Variants in LDLRAD4 observed in about 807,000 individuals in gnomAD.
LDLRAD4 encodes the protein low-density lipoprotein receptor class A domain-containing protein 4.
LDLRAD4 carries 5 observed loss-of-function variants against 17.0 expected under a neutral mutation model. That is an observed-to-expected ratio of 0.29 (90% CI 0.15 to 0.62). LDLRAD4 has a LOEUF of 0.62. LDLRAD4 is among the 20% of genes least tolerant of loss of function. The probability of loss-of-function intolerance (pLI) is 0.84; values close to 1 mark genes in which losing one functional copy is unlikely to be tolerated. For missense variants in LDLRAD4, 340 were observed against 424.7 expected (o/e 0.80, Z 1.75); for synonymous variants, 168 against 171.8 (o/e 0.98, Z 0.17).
At chr18:13,236,834 G>A (rs1028471966) in intron 1 of LDLRAD4, among the ~76,000 whole-genome samples, 5 of 152,102 alleles carry the variant, frequency 3.3e-5, no homozygotes, top group Non-Finnish European at 5.9e-5. Flanking sequence ...CTGAGGTTAC[G>A]TTTTAATTCC....
intron 3 of LDLRAD4, among the ~76,000 whole-genome samples, chr18:13,548,671 G>C (rs1490096686): frequency 6.6e-6 from 1 of 152,226 alleles, no homozygotes; most frequent in Non-Finnish European, 1.5e-5. Flanking sequence ...GAGTCCAGGG[G>C]TGCAGGGATG....
chr18:13,551,256 C>G (rs1421622526), intron 3 of LDLRAD4, among the ~76,000 whole-genome samples: 1 of 152,196 alleles, frequency 6.6e-6, no homozygotes, highest in Non-Finnish European at 1.5e-5. Flanking sequence ...GCGAGGGTCC[C>G]CCACAACCCT....
At chr18:13,451,171 AGTCT>A (rs1197049359) in intron 3 of LDLRAD4, among the ~76,000 whole-genome samples, 1 of 152,204 alleles carries the variant, frequency 6.6e-6, no homozygotes, top group Non-Finnish European at 1.5e-5. Context: ...GTATGTTTCT[AGTCT>A]GTCTGGGCTA....
intron 3 of LDLRAD4, among the ~76,000 whole-genome samples, chr18:13,603,380 TC>T (rs2095186161): frequency 6.6e-6 from 1 of 152,204 alleles, no homozygotes; most frequent in Admixed American, 6.5e-5. Context: ...TCAGGAGCCT[TC>T]TGAAGGGTGG....
At chr18:13,443,927 G>A (rs1258331996) in intron 3 of LDLRAD4, among the ~76,000 whole-genome samples, 5 of 152,146 alleles carry the variant, frequency 3.3e-5, no homozygotes, top group African/African-American at 7.2e-5. Context: ...CTACCGCCTC[G>A]GTACAGCTCT....
chr18:13,645,713 T>TG lies in LDLRAD4; in HGVS notation c.*59dup, dbSNP rs1341541195. ...AGAAACCAAGAAGGGAAGCGGCCGC[T>TG]GGGCCCCTCCTGCGCACAGTGTTGT... On this transcript the variant is annotated 3_prime_UTR_variant, in exon 6 of 6. Transcript: ENST00000359446. This position sits in a 1 kb window ranked among gnomAD's most constrained non-coding sequence, Gnocchi z 5.7. 1.2e-4 allele frequency: 166 copies of TG among 1,381,694 alleles called. No individual in the cohort carries two copies. Among genetic ancestry groups the TG allele is most frequent in the Middle Eastern group, 5.7e-4 (3 of 5,290 alleles). The allele number at this position is 1,381,694 out of a possible 1,614,324, so 85.6% of individuals were successfully genotyped here.
chr18:13,637,972 AC>A (rs869091193), intron 4 of LDLRAD4, among the ~76,000 whole-genome samples: 2 of 86,052 alleles, frequency 2.3e-5, no homozygotes, highest in Non-Finnish European at 4.8e-5. Flanking sequence ...GAGAAGAGCT[AC>A]CTGTTTGCTG....
chr18:13,535,703 C>A (rs886904815), intron 3 of LDLRAD4, among the ~76,000 whole-genome samples: 2 of 152,028 alleles, frequency 1.3e-5, no homozygotes, highest in Non-Finnish European at 2.9e-5. Context: ...TTGTGGATTT[C>A]ATGTCCTGTT....
chr18:13,270,289 C>T (rs2044456751), intron 1 of LDLRAD4, among the ~76,000 whole-genome samples: 1 of 151,828 alleles, frequency 6.6e-6, no homozygotes, highest in Non-Finnish European at 1.5e-5. Flanking sequence ...CACTTGCACC[C>T]AGGAAGCAGA....
At chr18:13,601,522 C>T (rs148129872) in intron 3 of LDLRAD4, among the ~76,000 whole-genome samples, 15 of 152,044 alleles carry the variant, frequency 9.9e-5, no homozygotes, top group Admixed American at 2.0e-4. Context: ...GGCATGGTGG[C>T]GGGCGCCTGT....
intron 1 of LDLRAD4, among the ~76,000 whole-genome samples, chr18:13,324,779 AG>A (rs1350949053): frequency 6.6e-6 from 1 of 152,190 alleles, no homozygotes; most frequent in African/African-American, 2.4e-5. Flanking sequence ...GGACCCAAAA[AG>A]GGTTTCGACA....
intron 3 of LDLRAD4, chr18:13,488,551 A>G (rs974693642): frequency 2.0e-5 from 3 of 152,256 alleles, no homozygotes; most frequent in African/African-American, 7.2e-5. Flanking sequence ...AGCCCTGTGC[A>G]CTAAGAAAGC....
chr18:13,577,325 C>G lies in LDLRAD4; in HGVS notation c.182-43792C>G, dbSNP rs2094788563. Among the ~76,000 whole-genome samples, 8 of 152,052 alleles carry G rather than the reference C, an allele frequency of 5.3e-5. No individual in the cohort carries two copies. In the South Asian group the frequency reaches 1.7e-3, roughly 32 times the overall value. ...GGACATGTTCAGCAGCTTTTGAGAA[C>G]TGAGAGAATGGAGGATTGAGGACCC... On this transcript the variant is annotated intron_variant, in intron 3 of 5. Coordinates refer to ENST00000359446, the Ensembl canonical transcript of LDLRAD4.
intron 1 of LDLRAD4, among the ~76,000 whole-genome samples, chr18:13,376,694 G>A (rs945391941): frequency 5.9e-5 from 9 of 152,142 alleles, no homozygotes; most frequent in Admixed American, 5.2e-4. Flanking sequence ...TATCACACGC[G>A]GTTCCAGAGG....
chr18:13,412,492 A>G (rs1400379994), intron 2 of LDLRAD4, among the ~76,000 whole-genome samples: 1 of 152,144 alleles, frequency 6.6e-6, no homozygotes, highest in Non-Finnish European at 1.5e-5. Context: ...ATTTGAATGA[A>G]TGAGATTCAT....
intron 1 of LDLRAD4, among the ~76,000 whole-genome samples, chr18:13,296,607 G>T (rs1312812370): frequency 6.6e-6 from 1 of 150,758 alleles, no homozygotes; most frequent in Admixed American, 6.6e-5. Flanking sequence ...GAACTCTTAG[G>T]CTCAAGCAAT....
At chr18:13,384,860 C>G (rs956356282) in intron 1 of LDLRAD4, among the ~76,000 whole-genome samples, 3 of 152,202 alleles carry the variant, frequency 2.0e-5, no homozygotes, top group African/African-American at 7.2e-5. Flanking sequence ...TGTATGCATA[C>G]CATGTTGTCT....
At chr18:13,256,920 A>G (rs1009445176) in intron 1 of LDLRAD4, among the ~76,000 whole-genome samples, 1 of 152,240 alleles carries the variant, frequency 6.6e-6, no homozygotes, top group African/African-American at 2.4e-5. Context: ...CTTACTTGGA[A>G]AATATTGCCC....
intron 1 of LDLRAD4, among the ~76,000 whole-genome samples, chr18:13,304,594 G>A (rs566964031): frequency 3.9e-5 from 6 of 152,304 alleles, no homozygotes; most frequent in Admixed American, 3.9e-4. Context: ...GAGGAATGAG[G>A]CCAGGCAGCC....
Sources: allele counts gnomAD v4.1 joint callset (sites outside exome capture counted in the v4.1 genomes callset), GRCh38; gene constraint gnomAD v4.1.1; non-coding constraint Gnocchi (gnomAD v3.1); transcripts MANE v1.5; gene names NCBI Gene and HGNC (gene_info 2026-07-23, HGNC 2026-07-21).